The following DAB1 variants were observed in gnomAD, a reference collection of about 807,000 sequenced individuals.
DAB1 encodes DAB adaptor protein 1, also known as disabled homolog 1.
DAB1 carries 15 observed loss-of-function variants against 64.6 expected under a neutral mutation model. The observed-to-expected ratio is 0.23, with a 90% confidence interval of 0.16 to 0.36. The LOEUF (loss-of-function observed/expected upper bound fraction) is 0.36, where lower values mean the gene tolerates loss of function less well. Among genes scored for constraint, DAB1 ranks in the 10% least tolerant of loss-of-function variants. DAB1 has a pLI of 1.00. For missense variants in DAB1, 596 were observed against 706.7 expected (o/e 0.84, Z 1.78); for synonymous variants, 235 against 251.9 (o/e 0.93, Z 0.64).
chr1:58,219,025 C>CTGTG lies in DAB1; in HGVS notation n.310-68441_310-68438dup, dbSNP rs56151181. ...TCTCTCTCTCTCTCTCTCTCTCTCT[C>CTGTG]TGTGTGTGTGTGTGTGTGTTTCAAT... is the stretch of plus-strand genomic sequence containing the variant. On this transcript the variant is annotated intron_variant and non_coding_transcript_variant, in intron 4 of 20. Transcript: ENST00000485760. Among the ~76,000 whole-genome samples, 207 of 129,520 alleles carry CTGTG rather than the reference C, an allele frequency of 1.6e-3. 1 individual carries two copies. Among genetic ancestry groups the CTGTG allele is most frequent in the African/African-American group, 4.2e-3 (136 of 32,002 alleles). The allele number at this position is 129,520 out of a possible 152,430, so 85.0% of individuals were successfully genotyped here. A position where few individuals can be genotyped will look rare whatever the true frequency, so the allele number is the denominator to read the frequency against.
At chr1:57,724,968 C>T (rs372335381) in intron 6 of DAB1, among the ~76,000 whole-genome samples, 1 of 152,160 alleles carries the variant, frequency 6.6e-6, no homozygotes, top group Non-Finnish European at 1.5e-5. Flanking sequence ...TGTAAGACTA[C>T]CCAAGTACAA....
intron 2 of DAB1, among the ~76,000 whole-genome samples, chr1:57,284,915 A>G (rs1053677597): frequency 2.0e-5 from 3 of 152,120 alleles, no homozygotes; most frequent in African/African-American, 7.2e-5. Context: ...GAAGGTTCAC[A>G]CTCGGTTTGA....
At chr1:58,397,875 T>A (rs1054575379) in intron 3 of DAB1, among the ~76,000 whole-genome samples, 1 of 152,188 alleles carries the variant, frequency 6.6e-6, no homozygotes, top group Non-Finnish European at 1.5e-5. Context: ...CACTGCATTG[T>A]TAAGGTAATT....
chr1:57,037,204 GTAGGAATAATTAGCAGAAGGTTCC>G (rs2100456915), intron 9 of DAB1, among the ~76,000 whole-genome samples: 1 of 152,322 alleles, frequency 6.6e-6, no homozygotes, highest in African/African-American at 2.4e-5. Context: ...TAAACTCTCA[GTAGGAATAATTAGCAGAAGGTTCC>G]TAGGAAAACT....
chr1:58,268,036 T>G (rs1358901693), intron 4 of DAB1, among the ~76,000 whole-genome samples: 1 of 152,222 alleles, frequency 6.6e-6, no homozygotes, highest in African/African-American at 2.4e-5. Flanking sequence ...GAGAGTTGCA[T>G]GCTTGGGCTT....
intron 6 of DAB1, among the ~76,000 whole-genome samples, chr1:57,683,555 A>G (rs1646661465): frequency 6.6e-6 from 1 of 152,354 alleles, no homozygotes; most frequent in Admixed American, 6.5e-5. Context: ...ACCAAGCATA[A>G]GAATTCATCC....
chr1:57,643,155 C>A (rs1361684137), intron 7 of DAB1, among the ~76,000 whole-genome samples: 14 of 152,184 alleles, frequency 9.2e-5, no homozygotes, highest in Admixed American at 9.2e-4. Flanking sequence ...GGGCAATATA[C>A]CTGCCAATTA....
At chr1:57,760,400 C>G (rs935378014) in intron 6 of DAB1, among the ~76,000 whole-genome samples, 9 of 151,756 alleles carry the variant, frequency 5.9e-5, no homozygotes, top group African/African-American at 2.2e-4. Flanking sequence ...ATTTTTTTTA[C>G]TACTATCATT....
chr1:57,467,079 G>A (rs1382787492), intron 7 of DAB1, among the ~76,000 whole-genome samples: 2 of 152,082 alleles, frequency 1.3e-5, no homozygotes, highest in Admixed American at 6.6e-5. Context: ...ATTATACAAA[G>A]GTAAGAATCA....
At chr1:57,083,435 A>G (rs1652752144) in intron 4 of DAB1, among the ~76,000 whole-genome samples, 1 of 152,252 alleles carries the variant, frequency 6.6e-6, no homozygotes, top group Non-Finnish European at 1.5e-5. Flanking sequence ...CAATGGTTTT[A>G]ACATTTTAGC....
chr1:57,785,777 A>G (rs1650310127), intron 6 of DAB1, among the ~76,000 whole-genome samples: 1 of 152,220 alleles, frequency 6.6e-6, no homozygotes, highest in South Asian at 2.1e-4. Flanking sequence ...GATGCTGTGA[A>G]CATTGTTGAA....
chr1:57,564,149 A>C (rs2263449), intron 7 of DAB1, among the ~76,000 whole-genome samples: 133,467 of 152,166 alleles, frequency 0.88, 60,164 homozygotes, highest in East Asian at 1. Context: ...GTTCTGCAGC[A>C]TCCACTGCTG....
At chr1:58,337,394 A>G (rs951416742) in intron 4 of DAB1, among the ~76,000 whole-genome samples, 1 of 152,174 alleles carries the variant, frequency 6.6e-6, no homozygotes, top group African/African-American at 2.4e-5. Flanking sequence ...CCAGAATAAT[A>G]AAGTTTATTT....
chr1:57,738,672 C>G (rs1026238118), intron 6 of DAB1, among the ~76,000 whole-genome samples: 1 of 152,216 alleles, frequency 6.6e-6, no homozygotes, highest in African/African-American at 2.4e-5. Flanking sequence ...ATTATTTATA[C>G]TTAAGAAACT....
rs888684697 is a variant in DAB1, at chr1:58,274,659, T to C, written n.309+68693A>G. ...ACTTCTGTGCTAGCAGTCAGCGAGA[T>C]TCCGTGGGCGTAGGACCCTCAGAGC... On this transcript the variant is annotated intron_variant and non_coding_transcript_variant, in intron 4 of 20. Coordinates refer to the DAB1 transcript ENST00000485760. 7.2e-5 allele frequency among the ~76,000 whole-genome samples: 11 copies of C among 152,070 alleles called. No homozygotes were observed. In the South Asian group the frequency reaches 1.0e-3, roughly 14 times the overall value.
At chr1:57,036,974 G>T (rs942620623) in intron 9 of DAB1, among the ~76,000 whole-genome samples, 7 of 152,140 alleles carry the variant, frequency 4.6e-5, no homozygotes, top group African/African-American at 9.7e-5. Flanking sequence ...TCTCACAAAG[G>T]AAGAAAATCT....
chr1:57,193,693 C>T (rs571825038), intron 2 of DAB1, among the ~76,000 whole-genome samples: 6 of 152,132 alleles, frequency 3.9e-5, no homozygotes, highest in Non-Finnish European at 7.3e-5. Context: ...TTTTTTAAAG[C>T]ACCAATCAAC....
chr1:57,126,504 A>C (rs1393850954), intron 4 of DAB1, among the ~76,000 whole-genome samples: 1 of 152,134 alleles, frequency 6.6e-6, no homozygotes, highest in Non-Finnish European at 1.5e-5. Context: ...TAATACCTCT[A>C]TTTCCCAAAA....
At chr1:58,020,998 G>A (rs1047468972) in intron 5 of DAB1, among the ~76,000 whole-genome samples, 2 of 152,154 alleles carry the variant, frequency 1.3e-5, no homozygotes, top group Middle Eastern at 3.2e-3. Context: ...GCATTGGAGT[G>A]AGACCCTGCG....
Sources: gnomAD v4.1 joint callset for allele counts (sites outside exome capture counted in the v4.1 genomes callset) on GRCh38, gnomAD v4.1.1 for gene constraint, MANE v1.5 for transcripts, NCBI Gene and HGNC (gene_info 2026-07-23, HGNC 2026-07-21) for gene names.